RBFOX1: variants seen among roughly 807,000 people sequenced by gnomAD.
The protein encoded by RBFOX1 is RNA binding fox-1 homolog 1.
Under a neutral mutation model 57.7 loss-of-function variants are expected in RBFOX1, and 8 were observed. The ratio of observed to expected loss-of-function variants is 0.14; its 90% CI spans 0.08 to 0.25. The LOEUF (loss-of-function observed/expected upper bound fraction) is 0.25, where lower values mean the gene tolerates loss of function less well. RBFOX1 is among the 10% of genes least tolerant of loss of function. The pLI is 1.00. For synonymous variants in RBFOX1, 326 were observed against 222.4 expected (o/e 1.47, Z -4.15); for missense variants, 611 against 548.5 (o/e 1.11, Z -1.14).
At chr16:6,547,730 G>A in intron 2 of RBFOX1, among the ~76,000 whole-genome samples, 1 of 151,502 alleles carries the variant, frequency 6.6e-6, no homozygotes, top group East Asian at 1.9e-4. Flanking sequence ...TCTACTCTGG[G>A]ATACATTTCG....
At chr16:6,081,390 G>A (rs2095999596) in intron 1 of RBFOX1, among the ~76,000 whole-genome samples, 2 of 152,172 alleles carry the variant, frequency 1.3e-5, no homozygotes, top group South Asian at 2.1e-4. Context: ...TTTCTCTGTC[G>A]GATGCCTGGG....
At chr16:7,549,583 G>T (rs1697324305) in intron 5 of RBFOX1, among the ~76,000 whole-genome samples, 1 of 152,190 alleles carries the variant, frequency 6.6e-6, no homozygotes, top group Admixed American at 6.5e-5. Flanking sequence ...AGCTGACAGT[G>T]AAACCTTCAG....
chr16:7,205,514 GGAAAAAAAAAAAAAGAAAAA>G (rs1318119246), intron 4 of RBFOX1, among the ~76,000 whole-genome samples: 2 of 121,862 alleles, frequency 1.6e-5, no homozygotes, highest in Non-Finnish European at 3.6e-5. Context: ...CTCTGTCTCA[GGAAAAAAAAAAAAAGAAAAA>G]GAAAAAAAAG....
intron 4 of RBFOX1, among the ~76,000 whole-genome samples, chr16:7,162,915 CAT>C (rs2078670484): frequency 2.0e-5 from 3 of 152,168 alleles, no homozygotes; most frequent in South Asian, 2.1e-4. Flanking sequence ...GAAATGAAGA[CAT>C]GTGGGTTTTC....
At chr16:7,037,226 C>A (rs1200589572) in intron 3 of RBFOX1, among the ~76,000 whole-genome samples, 2 of 134,954 alleles carry the variant, frequency 1.5e-5, no homozygotes, top group African/African-American at 6.0e-5. Context: ...AGGTCTTAGC[C>A]TCTTTTTTTT....
intron 3 of RBFOX1, among the ~76,000 whole-genome samples, chr16:5,787,044 GA>G (rs1400309269): frequency 1.3e-5 from 2 of 152,206 alleles, no homozygotes; most frequent in African/African-American, 4.8e-5. Flanking sequence ...GCTGAGGCAG[GA>G]GAATTGCTTA....
At chr16:5,967,049 T>A (rs1290274882) in intron 4 of RBFOX1, among the ~76,000 whole-genome samples, 2 of 146,078 alleles carry the variant, frequency 1.4e-5, no homozygotes, top group Non-Finnish European at 3.0e-5. Flanking sequence ...GTAAATTAAG[T>A]TTGATGGGAA....
intron 1 of RBFOX1, among the ~76,000 whole-genome samples, chr16:5,409,912 G>T (rs1274576808): frequency 1.3e-5 from 2 of 152,028 alleles, no homozygotes; most frequent in South Asian, 2.1e-4. Context: ...GCTGGGCATC[G>T]TGGCGGACAC....
chr16:6,963,672 G>T (rs1367548898), intron 3 of RBFOX1, among the ~76,000 whole-genome samples: 1 of 152,024 alleles, frequency 6.6e-6, no homozygotes, highest in Non-Finnish European at 1.5e-5. Context: ...TGAAGAGGCA[G>T]AGCATAGAGG....
chr16:5,499,278 G>C (rs2043106751), intron 2 of RBFOX1, among the ~76,000 whole-genome samples: 1 of 152,204 alleles, frequency 6.6e-6, no homozygotes, highest in Non-Finnish European at 1.5e-5. Flanking sequence ...CTAGAGGAAT[G>C]ACTGACTTCT....
intron 3 of RBFOX1, among the ~76,000 whole-genome samples, chr16:6,678,173 G>A (rs1306195390): frequency 6.6e-6 from 1 of 152,204 alleles, no homozygotes; most frequent in Non-Finnish European, 1.5e-5. Flanking sequence ...GCCCAGGCTG[G>A]AGTGCAGTGG....
At chr16:7,049,070 C>T (rs943808165) in intron 3 of RBFOX1, among the ~76,000 whole-genome samples, 1 of 152,128 alleles carries the variant, frequency 6.6e-6, no homozygotes, top group African/African-American at 2.4e-5. Context: ...GCACAGAGGT[C>T]AGTGCAGGAG....
intron 4 of RBFOX1, among the ~76,000 whole-genome samples, chr16:7,450,392 C>CA (rs57188328): frequency 0.43 from 29,802 of 69,638 alleles, 7,731 homozygotes; most frequent in Middle Eastern, 0.51. Context: ...GACTCTGTCT[C>CA]AAAAAAAAAA....
chr16:5,756,620 C>T (rs963483762), intron 3 of RBFOX1, among the ~76,000 whole-genome samples: 1 of 152,144 alleles, frequency 6.6e-6, no homozygotes, highest in African/African-American at 2.4e-5. Context: ...TAATCTGGCA[C>T]CATTTATGCC....
At chr16:6,173,604 C>CTTTTTTTTTTTTTTTTTT (rs35528338) in intron 1 of RBFOX1, among the ~76,000 whole-genome samples, 4 of 70,950 alleles carry the variant, frequency 5.6e-5, no homozygotes, top group African/African-American at 1.8e-4. Context: ...TGACCACTCC[C>CTTTTTTTTTTTTTTTTTT]TTTTTTTTTT....
chr16:5,968,007 C>A (rs1007757862), intron 4 of RBFOX1, among the ~76,000 whole-genome samples: 6 of 152,102 alleles, frequency 3.9e-5, no homozygotes, highest in African/African-American at 1.2e-4. Context: ...AGTCTTAGTT[C>A]TACAAATAAC....
intron 2 of RBFOX1, among the ~76,000 whole-genome samples, chr16:5,491,110 G>A (rs1489664336): frequency 6.6e-6 from 1 of 152,078 alleles, no homozygotes; most frequent in Admixed American, 6.5e-5. Context: ...CGGGACCACC[G>A]TCATATCTGC....
upstream of RBFOX1, among the ~76,000 whole-genome samples, chr16:6,014,252 AT>A (rs767256755): frequency 1.2e-4 from 18 of 152,162 alleles, no homozygotes; most frequent in Admixed American, 3.9e-4. Context: ...CATCATGACC[AT>A]TGCTTAAGGT....
intron 1 of RBFOX1, among the ~76,000 whole-genome samples, chr16:6,229,723 A>T (rs943707549): frequency 6.6e-6 from 1 of 151,234 alleles, no homozygotes; most frequent in Admixed American, 6.6e-5. Context: ...AAAAAAAAAT[A>T]AGATTTTCTT....
Sources: gnomAD v4.1 joint callset for allele counts (sites outside exome capture counted in the v4.1 genomes callset) on GRCh38, gnomAD v4.1.1 for gene constraint, MANE v1.5 for transcripts, NCBI Gene and HGNC (gene_info 2026-07-23, HGNC 2026-07-21) for gene names.